MTFR1: variants seen among roughly 807,000 people sequenced by gnomAD.
MTFR1 encodes mitochondrial fission regulator 1.
Under a neutral mutation model 38.8 loss-of-function variants are expected in MTFR1, and 28 were observed. The observed-to-expected ratio is 0.72, with a 90% CI of 0.53 to 0.99. MTFR1 has a LOEUF of 0.99. Ranked by LOEUF, MTFR1 falls within the 50% of genes least tolerant of loss-of-function variation. The pLI is 0.00. For synonymous variants in MTFR1, 145 were observed against 137.0 expected (o/e 1.06, Z -0.41); for missense variants, 358 against 395.5 (o/e 0.91, Z 0.81).
At chr8:65,689,767 A>C (rs143594553) in intron 3 of MTFR1, among the ~76,000 whole-genome samples, 56 of 152,248 alleles carry the variant, frequency 3.7e-4, no homozygotes, top group Non-Finnish European at 5.1e-4. Flanking sequence ...TGCCTGTGTC[A>C]CTCAATGAAT....
At chr8:65,660,001 A>G (rs1809367258) in intron 1 of MTFR1, among the ~76,000 whole-genome samples, 1 of 152,184 alleles carries the variant, frequency 6.6e-6, no homozygotes, top group African/African-American at 2.4e-5. Flanking sequence ...TAAAAAAACC[A>G]TCTGTGGGCC....
chr8:65,759,908 T>G (rs1808414126), intron 3 of MTFR1, among the ~76,000 whole-genome samples: 1 of 152,198 alleles, frequency 6.6e-6, no homozygotes, highest in South Asian at 2.1e-4. Flanking sequence ...CGTATAATTT[T>G]TCTTTCATCT....
At chr8:65,707,358 T>A in intron 6 of MTFR1, 102 bp downstream of exon 6, 1 of 1,235,030 alleles carries the variant, frequency 8.1e-7, no homozygotes, top group Non-Finnish European at 1.1e-6. Flanking sequence ...CTGCCATGAA[T>A]AGTTTTTAGT....
chr8:65,715,605 C>T (rs192570093), intron 2 of MTFR1, among the ~76,000 whole-genome samples: 6,243 of 150,246 alleles, frequency 0.042, 191 homozygotes, highest in Non-Finnish European at 0.063. Flanking sequence ...CTCGAACTCC[C>T]GACCTCAGGT....
chr8:65,762,051 G>A (rs1018508188), intron 3 of MTFR1, among the ~76,000 whole-genome samples: 1 of 152,160 alleles, frequency 6.6e-6, no homozygotes, highest in Admixed American at 6.5e-5. Context: ...CACTGTATCT[G>A]CCACCTTAAC....
chr8:65,690,819 T>C (rs1057364122), intron 3 of MTFR1, among the ~76,000 whole-genome samples: 5 of 152,202 alleles, frequency 3.3e-5, no homozygotes, highest in Admixed American at 6.5e-5. Context: ...TTAGGATTTG[T>C]CTAACACTTA....
At chr8:65,695,320 T>C (rs530316037) in intron 4 of MTFR1, among the ~76,000 whole-genome samples, 1 of 152,248 alleles carries the variant, frequency 6.6e-6, no homozygotes, top group East Asian at 1.9e-4. Context: ...GGTTTCCATG[T>C]AGGATAATTA....
At chr8:65,661,166 AC>A (rs1024912694) in intron 1 of MTFR1, among the ~76,000 whole-genome samples, 2 of 152,184 alleles carry the variant, frequency 1.3e-5, no homozygotes, top group Non-Finnish European at 2.9e-5. Flanking sequence ...ATTTGCCTTA[AC>A]CCACACAATG....
chr8:65,656,784 AG>A (rs1281517186), intron 1 of MTFR1, among the ~76,000 whole-genome samples: 1 of 151,172 alleles, frequency 6.6e-6, no homozygotes, highest in African/African-American at 2.4e-5. Flanking sequence ...TACAACTATA[AG>A]CCACCATGCC....
chr8:65,756,521 A>T (rs1255035917), intron 3 of MTFR1, among the ~76,000 whole-genome samples: 1 of 152,084 alleles, frequency 6.6e-6, no homozygotes, highest in Non-Finnish European at 1.5e-5. Context: ...CCCTGCTCAA[A>T]GGTTTCAACA....
intron 3 of MTFR1, among the ~76,000 whole-genome samples, chr8:65,724,550 T>A (rs1435724470): frequency 6.6e-6 from 1 of 152,172 alleles, no homozygotes; most frequent in African/African-American, 2.4e-5. Context: ...AAAAATTGTT[T>A]TCATCAGAAA....
intron 3 of MTFR1, among the ~76,000 whole-genome samples, chr8:65,740,828 C>T (rs148258395): frequency 6.6e-6 from 1 of 152,292 alleles, no homozygotes; most frequent in Admixed American, 6.5e-5. Flanking sequence ...TCTCAACAAG[C>T]ATCAGCATTC....
chr8:65,697,265 G>A (rs112043419), intron 4 of MTFR1, among the ~76,000 whole-genome samples: 1,561 of 152,286 alleles, frequency 0.01, 17 homozygotes, highest in Middle Eastern at 0.071. Context: ...GATTACAGGC[G>A]TGAGCCACCG....
chr8:65,775,856 T>G (rs1272704840), downstream of MTFR1, among the ~76,000 whole-genome samples: 1 of 152,212 alleles, frequency 6.6e-6, no homozygotes, highest in Non-Finnish European at 1.5e-5. Context: ...CTTAAACTCC[T>G]GACCTCAGGT....
intron 3 of MTFR1, among the ~76,000 whole-genome samples, chr8:65,740,123 G>A (rs1286110632): frequency 1.5e-5 from 2 of 136,856 alleles, no homozygotes; most frequent in Admixed American, 7.5e-5. Flanking sequence ...TCTGAACTCA[G>A]CCACTTGCTT....
At chr8:65,710,779 A>C (rs1805920991), downstream of MTFR1, among the ~76,000 whole-genome samples, 1 of 152,144 alleles carries the variant, frequency 6.6e-6, no homozygotes, top group Admixed American at 6.5e-5. Context: ...AGGGTTCTCA[A>C]ACCCATAATC....
chr8:65,760,938 C>CG (rs34132074), intron 3 of MTFR1, among the ~76,000 whole-genome samples: 94,553 of 152,034 alleles, frequency 0.62, 30,864 homozygotes, highest in Non-Finnish European at 0.7. Flanking sequence ...AGAGAGGATA[C>CG]ATGAGGAACT....
At chr8:65,758,754 T>G (rs1808352931) in intron 3 of MTFR1, among the ~76,000 whole-genome samples, 1 of 152,190 alleles carries the variant, frequency 6.6e-6, no homozygotes, top group African/African-American at 2.4e-5. Context: ...GCCACCGAAA[T>G]CCATGCAGTA....
intron 2 of MTFR1, among the ~76,000 whole-genome samples, chr8:65,716,693 AGT>A (rs1341988356): frequency 1.3e-5 from 2 of 152,216 alleles, no homozygotes; most frequent in African/African-American, 2.4e-5. Context: ...AAATATTGAT[AGT>A]GTTTTAAAAA....
Sources: allele counts gnomAD v4.1 joint callset (sites outside exome capture counted in the v4.1 genomes callset), GRCh38; gene constraint gnomAD v4.1.1; transcripts MANE v1.5; gene names NCBI Gene and HGNC (gene_info 2026-07-23, HGNC 2026-07-21).